The following PDE8B variants were observed in gnomAD, a reference collection of about 807,000 sequenced individuals.
The protein encoded by PDE8B is high affinity cAMP-specific and IBMX-insensitive 3',5'-cyclic phosphodiesterase 8B.
Under a neutral mutation model 101.3 loss-of-function variants are expected in PDE8B, and 26 were observed. That is an observed-to-expected ratio of 0.26 (90% confidence interval 0.19 to 0.36). The LOEUF (loss-of-function observed/expected upper bound fraction) is 0.36. PDE8B is among the 10% of genes least tolerant of loss of function. The pLI, the probability that PDE8B is intolerant of heterozygous loss-of-function variation, is 1.00. For missense variants in PDE8B, 810 were observed against 1,163.1 expected (o/e 0.70, Z 4.42); for synonymous variants, 424 against 429.3 (o/e 0.99, Z 0.15).
At chr5:77,172,839 C>T in the PDE8B span, among the ~76,000 whole-genome samples, 1 of 152,196 alleles carries the variant, frequency 6.6e-6, no homozygotes, top group African/African-American at 2.4e-5. Flanking sequence ...CATGGAAGGA[C>T]TTTTCCACTT....
intron 1 of PDE8B, among the ~76,000 whole-genome samples, chr5:77,231,496 G>A (rs899769323): frequency 6.6e-6 from 1 of 152,186 alleles, no homozygotes; most frequent in African/African-American, 2.4e-5. Context: ...AATCACCTTC[G>A]TTTCTGTCTT....
At position 77,426,877 on chromosome 5, in the gene PDE8B, G is replaced by A. The variant is rs1798232333; in HGVS notation, c.*323G>A. On this transcript the variant is annotated 3_prime_UTR_variant, in exon 22 of 22. Transcript: ENST00000264917. Reference sequence around the variant, plus strand: ...GCAGGCCACAGGAAGCAAAGCCTTGGTGCCTGTGAGCTCATCTCCCAGGAT... The same window carrying A: ...GCAGGCCACAGGAAGCAAAGCCTTGATGCCTGTGAGCTCATCTCCCAGGAT... 5.6e-6 allele frequency: 2 copies of A among 356,090 alleles called. No homozygotes were observed. The highest frequency in any genetic ancestry group is 7.0e-5 in the East Asian group (1 of 14,340). 22.1% of individuals were successfully genotyped at this position (356,090 alleles called of 1,614,324 possible). A position where few individuals can be genotyped will look rare whatever the true frequency, so the allele number is the denominator to read the frequency against.
intron 2 of PDE8B, among the ~76,000 whole-genome samples, chr5:77,315,264 A>G (rs1422853366): frequency 1.3e-5 from 2 of 152,172 alleles, no homozygotes; most frequent in African/African-American, 2.4e-5. Flanking sequence ...GTTTTCTTCT[A>G]GAGACTTTAT....
the PDE8B span, among the ~76,000 whole-genome samples, chr5:77,149,753 A>G: frequency 6.6e-6 from 1 of 152,204 alleles, no homozygotes; most frequent in Non-Finnish European, 1.5e-5. Context: ...TATTTTGTGT[A>G]TAGATTCCTT....
At chr5:77,290,703 C>T (rs879075252) in intron 1 of PDE8B, 5 of 1,503,214 alleles carry the variant, frequency 3.3e-6, no homozygotes, top group Non-Finnish European at 4.6e-6. Context: ...TTCTGAAAGA[C>T]CTGGCCATGC....
chr5:77,124,361 G>A, the PDE8B span, among the ~76,000 whole-genome samples: 7 of 152,098 alleles, frequency 4.6e-5, no homozygotes, highest in African/African-American at 9.7e-5. Context: ...AGGCTGAGGC[G>A]GGTGGATTGC....
intron 2 of PDE8B, among the ~76,000 whole-genome samples, chr5:77,321,820 A>G (rs952677126): frequency 1.3e-5 from 2 of 152,182 alleles, no homozygotes; most frequent in East Asian, 1.9e-4. Flanking sequence ...GCCTTACCAT[A>G]CCTAAATAAT....
chr5:77,202,061 C>T, the PDE8B span, among the ~76,000 whole-genome samples: 2 of 152,150 alleles, frequency 1.3e-5, no homozygotes, highest in Non-Finnish European at 1.5e-5. Flanking sequence ...GGGCCCCACC[C>T]TTATGACCTC....
chr5:77,424,244 A>C (rs1233403047), intron 20 of PDE8B, among the ~76,000 whole-genome samples: 2 of 152,098 alleles, frequency 1.3e-5, no homozygotes, highest in Non-Finnish European at 2.9e-5. Flanking sequence ...CTGACGTACT[A>C]CTCCTAGTTG....
At chr5:77,375,184 GT>G (rs1785832623) in intron 10 of PDE8B, among the ~76,000 whole-genome samples, 1 of 152,184 alleles carries the variant, frequency 6.6e-6, no homozygotes, top group South Asian at 2.1e-4. Flanking sequence ...TCTACTGGCA[GT>G]TTTTGTGCGT....
the PDE8B span, among the ~76,000 whole-genome samples, chr5:77,099,902 G>A: frequency 1.2e-4 from 18 of 152,266 alleles, no homozygotes; most frequent in Admixed American, 3.3e-4. Flanking sequence ...GAACCACAAC[G>A]CCCGGCCCGG....
At chr5:77,291,029 G>A in intron 1 of PDE8B, 1 of 1,611,958 alleles carries the variant, frequency 6.2e-7, no homozygotes, top group Non-Finnish European at 8.5e-7. Context: ...GAAAACAGAT[G>A]GCCCTGATGG....
intron 1 of PDE8B, among the ~76,000 whole-genome samples, chr5:77,264,574 G>A (rs1761301841): frequency 6.6e-6 from 1 of 152,088 alleles, no homozygotes; most frequent in African/African-American, 2.4e-5. Flanking sequence ...TGGGAATGAG[G>A]CCTACTCAGT....
the PDE8B span, chr5:77,146,450 A>G: frequency 2.8e-3 from 425 of 153,252 alleles, 1 homozygote; most frequent in Admixed American, 4.1e-3. Flanking sequence ...TTATGTTTAC[A>G]TGATTATATT....
chr5:77,319,276 A>G (rs555397214), intron 2 of PDE8B, among the ~76,000 whole-genome samples: 3 of 152,344 alleles, frequency 2.0e-5, no homozygotes, highest in East Asian at 1.9e-4. Context: ...TCAGTCCACA[A>G]ATCACTATGT....
chr5:77,284,851 A>G (rs1300732111), intron 1 of PDE8B, among the ~76,000 whole-genome samples: 2 of 152,216 alleles, frequency 1.3e-5, no homozygotes, highest in Non-Finnish European at 2.9e-5. Context: ...TTATGTGATT[A>G]CATCACAATT....
At chr5:77,248,141 A>G (rs1015369380) in intron 1 of PDE8B, among the ~76,000 whole-genome samples, 1 of 152,246 alleles carries the variant, frequency 6.6e-6, no homozygotes, top group Non-Finnish European at 1.5e-5. Context: ...ACTCTGAAAC[A>G]GAAAAGTGTT....
chr5:77,405,100 G>A (rs946948124), intron 12 of PDE8B, among the ~76,000 whole-genome samples: 1 of 152,302 alleles, frequency 6.6e-6, no homozygotes, highest in South Asian at 2.1e-4. Flanking sequence ...GGTCACTCTT[G>A]GGTGCTAGAG....
At chr5:77,182,756 C>CTT in the PDE8B span, among the ~76,000 whole-genome samples, 22 of 141,374 alleles carry the variant, frequency 1.6e-4, 1 homozygote, top group African/African-American at 5.7e-4. Flanking sequence ...ATAAGCACTG[C>CTT]TTTTTTTTTT....
Sources: gnomAD v4.1 joint callset for allele counts (sites outside exome capture counted in the v4.1 genomes callset) on GRCh38, gnomAD v4.1.1 for gene constraint, MANE v1.5 for transcripts, NCBI Gene and HGNC (gene_info 2026-07-23, HGNC 2026-07-21) for gene names.